The following ATRNL1 variants were observed in gnomAD, a reference collection of about 807,000 sequenced individuals.
ATRNL1 encodes attractin like 1, also known as attractin-like protein 1.
Under a neutral mutation model 182.7 loss-of-function variants are expected in ATRNL1, and 95 were observed. That is an observed-to-expected ratio of 0.52 (90% confidence interval 0.44 to 0.62). ATRNL1 has a LOEUF of 0.62. Ranked by LOEUF, ATRNL1 falls within the 20% of genes least tolerant of loss-of-function variation. The probability of loss-of-function intolerance (pLI) is 0.00; values close to 1 mark genes in which losing one functional copy is unlikely to be tolerated. For synonymous variants in ATRNL1, 576 were observed against 568.3 expected (o/e 1.01, Z -0.19); for missense variants, 1,471 against 1,679.5 (o/e 0.88, Z 2.17).
intron 8 of ATRNL1, among the ~76,000 whole-genome samples, chr10:115,195,332 G>A (rs1834092078): frequency 1.3e-5 from 2 of 152,062 alleles, no homozygotes; most frequent in Admixed American, 6.6e-5. Context: ...TTCTGAGAAA[G>A]TATTTCTCCT....
chr10:115,846,491 C>T (rs1035658147), intron 27 of ATRNL1, among the ~76,000 whole-genome samples: 1 of 152,020 alleles, frequency 6.6e-6, no homozygotes, highest in Non-Finnish European at 1.5e-5. Context: ...GTGAAAAAAA[C>T]CTGAACAAAT....
intron 21 of ATRNL1, among the ~76,000 whole-genome samples, chr10:115,444,644 A>AT (rs1238255725): frequency 9.0e-5 from 13 of 144,602 alleles, no homozygotes; most frequent in South Asian, 2.2e-4. Flanking sequence ...GTGTGAGTTG[A>AT]TTTTTTTTTT....
At chr10:115,491,057 C>T (rs893093605) in intron 24 of ATRNL1, among the ~76,000 whole-genome samples, 18 of 152,154 alleles carry the variant, frequency 1.2e-4, no homozygotes, top group African/African-American at 4.1e-4. Flanking sequence ...TTATCACCAG[C>T]GGAGCCAGCA....
rs190322772 is a variant in ATRNL1 at position 115,554,159 on chromosome 10, G to A, written c.3795+4623G>A. Among the ~76,000 whole-genome samples, 22 of 151,550 alleles carry A rather than the reference G, an allele frequency of 1.5e-4. No homozygotes were observed. In the East Asian group the frequency reaches 2.1e-3, roughly 15 times the overall value. On this transcript the variant is annotated intron_variant, in intron 26 of 28. Transcript: ENST00000355044. ...ATTAAACACATGCTTTTTAAAACTC[G>A]TTAGTAAATATTTCACTCAAATAAA...
intron 28 of ATRNL1, among the ~76,000 whole-genome samples, chr10:115,859,457 A>C (rs1951261639): frequency 6.6e-6 from 1 of 152,192 alleles, no homozygotes; most frequent in African/African-American, 2.4e-5. Flanking sequence ...AGCAGGCAGT[A>C]CTGCACAATT....
chr10:115,690,999 G>T (rs1345530429), intron 26 of ATRNL1, among the ~76,000 whole-genome samples: 1 of 152,058 alleles, frequency 6.6e-6, no homozygotes, highest in African/African-American at 2.4e-5. Context: ...GCTGGCTGCT[G>T]GGTACCTTTT....
chr10:115,365,645 C>G (rs1325369007), intron 19 of ATRNL1, among the ~76,000 whole-genome samples: 2 of 151,180 alleles, frequency 1.3e-5, no homozygotes, highest in Non-Finnish European at 3.0e-5. Flanking sequence ...CCTGCTTTCT[C>G]TTGTGGGCAT....
intron 19 of ATRNL1, among the ~76,000 whole-genome samples, chr10:115,359,832 AT>A (rs1253954145): frequency 9.2e-4 from 140 of 151,546 alleles, no homozygotes; most frequent in Admixed American, 9.1e-3. Flanking sequence ...TTCTGGAGTC[AT>A]TTTAGCAGAA....
intron 22 of ATRNL1, among the ~76,000 whole-genome samples, chr10:115,464,073 C>A (rs997414103): frequency 2.6e-5 from 4 of 151,960 alleles, no homozygotes; most frequent in Non-Finnish European, 4.4e-5. Flanking sequence ...TCCAATGTCC[C>A]AGCTTTGTTT....
In ATRNL1 at chr10:115,668,465, G is replaced by T. The variant is rs545918802; in HGVS notation, c.3796-58783G>T. On this transcript the variant is annotated intron_variant, in intron 26 of 28. Transcript: ENST00000355044. ...CTTTACCCAGTTAGCTTTACATTTA[G>T]TCTTTATGATTTCTTACATTAGGAT... is the stretch of plus-strand genomic sequence containing the variant. 2.0e-5 allele frequency among the ~76,000 whole-genome samples: 3 copies of T among 152,112 alleles called. No individual in the cohort carries two copies. The South Asian group carries it at 6.2e-4, about 32-fold the overall frequency.
At position 115,587,358 on chromosome 10, in the gene ATRNL1, C is replaced by T. The variant is rs543668095; in HGVS notation, c.3795+37822C>T. 8.5e-3 allele frequency among the ~76,000 whole-genome samples: 1,300 copies of T among 152,050 alleles called. 13 individuals carry two copies. Among genetic ancestry groups the T allele is most frequent in the African/African-American group, 0.03 (1,233 of 41,546 alleles). ...CAATGGCGGGCGCCCCTCCCCCAGC[C>T]TCGCTGCCGCCTTGCAGTTTGATCT... is the stretch of plus-strand genomic sequence containing the variant. On this transcript the variant is annotated intron_variant, in intron 26 of 28. Coordinates refer to ENST00000355044, the MANE Select transcript of ATRNL1 (RefSeq NM_207303.4).
At chr10:115,363,615 A>C (rs1856866169) in intron 19 of ATRNL1, among the ~76,000 whole-genome samples, 1 of 150,784 alleles carries the variant, frequency 6.6e-6, no homozygotes, top group South Asian at 2.1e-4. Context: ...CTGAATGGTA[A>C]TGCCTAGGTT....
chr10:115,116,624 TGAA>T (rs1564746904), intron 1 of ATRNL1, among the ~76,000 whole-genome samples: 1 of 152,106 alleles, frequency 6.6e-6, no homozygotes, highest in Non-Finnish European at 1.5e-5. Context: ...ATCATGAAAC[TGAA>T]GAAGGAGAAT....
intron 25 of ATRNL1, among the ~76,000 whole-genome samples, chr10:115,540,255 CATAG>C (rs1301231287): frequency 1.3e-5 from 2 of 152,160 alleles, no homozygotes; most frequent in East Asian, 3.9e-4. Context: ...GAACTGAGCT[CATAG>C]ATAGAACTCT....
At position 115,605,738 on chromosome 10, in the gene ATRNL1, T is replaced by G. The variant is rs571072822; in HGVS notation, c.3795+56202T>G. On this transcript the variant is annotated intron_variant, in intron 26 of 28. Coordinates refer to ENST00000355044, the MANE Select transcript of ATRNL1 (RefSeq NM_207303.4). ...CAGAAATGCATCGAAAAAATATCAG[T>G]GACTCTCATTCATCAAAATATTCAA... Among the ~76,000 whole-genome samples, 10 of 152,058 alleles carry G rather than the reference T, an allele frequency of 6.6e-5. No individual in the cohort carries two copies. In the South Asian group the frequency reaches 2.1e-3, roughly 32 times the overall value.
chr10:115,526,930 C>T (rs782167120), intron 25 of ATRNL1, among the ~76,000 whole-genome samples: 1 of 151,990 alleles, frequency 6.6e-6, no homozygotes, highest in African/African-American at 2.4e-5. Flanking sequence ...GCAAAAGTTA[C>T]CCATCAAAGG....
At chr10:115,394,151 T>A (rs115326995) in intron 19 of ATRNL1, among the ~76,000 whole-genome samples, 1,780 of 152,180 alleles carry the variant, frequency 0.012, 33 homozygotes, top group African/African-American at 0.039. Context: ...GCTCAATATG[T>A]GTTATGTGTC....
intron 25 of ATRNL1, among the ~76,000 whole-genome samples, chr10:115,548,168 C>T (rs996390183): frequency 6.6e-6 from 1 of 152,140 alleles, no homozygotes; most frequent in African/African-American, 2.4e-5. Flanking sequence ...CCTCTTTTCT[C>T]AAATAAGAAT....
intron 28 of ATRNL1, among the ~76,000 whole-genome samples, chr10:115,860,763 A>C (rs1278823355): frequency 1.3e-5 from 2 of 152,194 alleles, no homozygotes; most frequent in African/African-American, 4.8e-5. Flanking sequence ...TCTGTTATTT[A>C]ACAGTCTTCA....
Sources: allele counts gnomAD v4.1 joint callset (sites outside exome capture counted in the v4.1 genomes callset), GRCh38; gene constraint gnomAD v4.1.1; transcripts MANE v1.5; gene names NCBI Gene and HGNC (gene_info 2026-07-23, HGNC 2026-07-21).